Variants in TNRC6B observed in about 807,000 individuals in gnomAD.
TNRC6B encodes the protein trinucleotide repeat containing adaptor 6B, also known as trinucleotide repeat-containing gene 6B protein.
A neutral mutation model predicts 203.6 loss-of-function variants in TNRC6B; 52 were observed. The observed-to-expected ratio is 0.26, with a 90% CI of 0.20 to 0.32. The LOEUF is 0.32. Ranked by LOEUF, TNRC6B falls within the 10% of genes least tolerant of loss-of-function variation. The probability of loss-of-function intolerance (pLI) is 1.00; values close to 1 mark genes in which losing one functional copy is unlikely to be tolerated. For synonymous variants in TNRC6B, 838 were observed against 845.7 expected (o/e 0.99, Z 0.16); for missense variants, 1,923 against 2,286.2 (o/e 0.84, Z 3.24).
At chr22:40,116,111 G>A (rs141558518) in intron 1 of TNRC6B, among the ~76,000 whole-genome samples, 14 of 152,228 alleles carry the variant, frequency 9.2e-5, no homozygotes, top group Non-Finnish European at 1.3e-4. Context: ...GTGCTCTAAC[G>A]TGGGGCTGAA....
chr22:40,126,588 T>A (rs1464315119), intron 3 of TNRC6B, among the ~76,000 whole-genome samples: 3 of 131,610 alleles, frequency 2.3e-5, no homozygotes, highest in African/African-American at 6.4e-5. Flanking sequence ...TAATTTTTTT[T>A]TTTTTTTTTT....
chr22:40,249,146 T>A (rs970030860), intron 2 of TNRC6B, among the ~76,000 whole-genome samples: 7 of 152,206 alleles, frequency 4.6e-5, no homozygotes, highest in Non-Finnish European at 1.0e-4. Flanking sequence ...TCCCCAGTGC[T>A]TTTTGACCAC....
intron 1 of TNRC6B, among the ~76,000 whole-genome samples, chr22:40,243,515 A>G (rs966229530): frequency 6.6e-6 from 1 of 152,228 alleles, no homozygotes; most frequent in African/African-American, 2.4e-5. Context: ...TAGGGACAAT[A>G]TTTGAAAAGG....
intron 15 of TNRC6B, among the ~76,000 whole-genome samples, chr22:40,308,098 C>T (rs1024369321): frequency 2.0e-5 from 3 of 152,144 alleles, no homozygotes; most frequent in African/African-American, 7.2e-5. Context: ...GGCCCTAGAT[C>T]ACATCTTCCT....
At chr22:40,245,929 CCCA>C (rs1173653451) in intron 1 of TNRC6B, 83 bp from the exon 2 acceptor site, 1 of 994,126 alleles carries the variant, frequency 1.0e-6, no homozygotes, top group Admixed American at 3.0e-5. Context: ...TGTCGTCTTG[CCCA>C]CCACTTACAA....
Position 40,316,455 on chromosome 22 carries a change from C to T in TNRC6B, c.4974+443C>T, listed in dbSNP as rs530894556. On this transcript the variant is annotated intron_variant, in intron 21 of 22. Transcript: ENST00000454349. ...CCAAGGCGAGAGGATTGCTTGAAGC[C>T]AGGAGTCTGAAATCAGTCCAAGCAA... 3.7e-4 allele frequency among the ~76,000 whole-genome samples: 56 copies of T among 152,040 alleles called. No individual in the cohort carries two copies. In the South Asian group the frequency reaches 0.011, roughly 31 times the overall value.
At chr22:40,315,594 C>G in intron 20 of TNRC6B, 87 bp downstream of exon 20, 2 of 1,397,758 alleles carry the variant, frequency 1.4e-6, no homozygotes, top group Non-Finnish European at 2.0e-6. Context: ...AAGAGGTCTT[C>G]CCAAGAGAGG....
At chr22:40,191,555 G>A (rs761005950) in intron 1 of TNRC6B, among the ~76,000 whole-genome samples, 3 of 152,060 alleles carry the variant, frequency 2.0e-5, no homozygotes, top group Non-Finnish European at 2.9e-5. Flanking sequence ...TAGTTTGATT[G>A]GTTTTGTATT....
intron 12 of TNRC6B, among the ~76,000 whole-genome samples, chr22:40,290,614 A>G (rs2070857165): frequency 6.6e-6 from 1 of 152,132 alleles, no homozygotes. Context: ...CACCTTCCCT[A>G]GGAGCTTTCT....
intron 4 of TNRC6B, among the ~76,000 whole-genome samples, chr22:40,167,930 C>T (rs548026039): frequency 6.6e-6 from 1 of 152,066 alleles, no homozygotes; most frequent in East Asian, 1.9e-4. Context: ...TAGGATCCCT[C>T]CTAGAGCTTT....
chr22:40,105,723 A>G (rs1018369443), intron 1 of TNRC6B, among the ~76,000 whole-genome samples: 6 of 152,196 alleles, frequency 3.9e-5, no homozygotes, highest in African/African-American at 1.4e-4. Context: ...GCTGGGGACT[A>G]TTATGGATAG....
At chr22:40,167,212 G>A (rs752018801) in intron 4 of TNRC6B, among the ~76,000 whole-genome samples, 5 of 152,076 alleles carry the variant, frequency 3.3e-5, no homozygotes, top group Admixed American at 2.6e-4. Context: ...CATTGAACCC[G>A]AAACAAAAGT....
intron 2 of TNRC6B, among the ~76,000 whole-genome samples, chr22:40,120,871 A>C (rs879472212): frequency 4.5e-4 from 69 of 152,216 alleles, no homozygotes; most frequent in African/African-American, 1.6e-3. Context: ...CACCACCACT[A>C]GTCTGGGATA....
At chr22:40,130,210 A>G (rs9611271) in intron 3 of TNRC6B, among the ~76,000 whole-genome samples, 34,350 of 152,164 alleles carry the variant, frequency 0.23, 4,907 homozygotes, top group Non-Finnish European at 0.32. Context: ...AAGGTTTCTC[A>G]GATTCCCAGG....
Position 40,230,282 on chromosome 22 carries a change from CTTT to C in TNRC6B, c.6-15711_6-15709del, listed in dbSNP as rs56122256. ...TCTGTTCAAATCTTTTGCCCATCTT[CTTT>C]TTTTTTTTTTTTTTTTTTTTTAAAG... On this transcript the variant is annotated intron_variant, in intron 1 of 22. Coordinates refer to ENST00000454349, the MANE Select transcript of TNRC6B (RefSeq NM_001162501.2). Among the ~76,000 whole-genome samples, 9 of 94,470 alleles carry C rather than the reference CTTT, an allele frequency of 9.5e-5. No homozygotes were observed. In the East Asian group the frequency reaches 2.2e-3, roughly 23 times the overall value. 62.0% of individuals were successfully genotyped at this position (94,470 alleles called of 152,430 possible). A position where few individuals can be genotyped will look rare whatever the true frequency, so the allele number is the denominator to read the frequency against.
At position 40,222,050 on chromosome 22, in the gene TNRC6B, G is replaced by A. The variant is rs566709640; in HGVS notation, c.6-23965G>A. 3.2e-4 allele frequency among the ~76,000 whole-genome samples: 48 copies of A among 152,246 alleles called. 1 individual carries two copies. The South Asian group carries it at 9.8e-3, about 31-fold the overall frequency. On this transcript the variant is annotated intron_variant, in intron 1 of 22. Coordinates refer to ENST00000454349, the MANE Select transcript of TNRC6B (RefSeq NM_001162501.2). Reference sequence around the variant, plus strand: ...CACTTTAAGCCCCGGGAAAAGTGGAGACCAACTAAGTCTTGCTGTCTGGAG... The same window carrying A: ...CACTTTAAGCCCCGGGAAAAGTGGAAACCAACTAAGTCTTGCTGTCTGGAG...
At chr22:40,211,532 T>C (rs2069563253) in intron 1 of TNRC6B, among the ~76,000 whole-genome samples, 1 of 152,172 alleles carries the variant, frequency 6.6e-6, no homozygotes, top group South Asian at 2.1e-4. Flanking sequence ...GCCACAAACT[T>C]ACTGTGGCTC....
At chr22:40,285,864 T>C (rs2070773233) in intron 12 of TNRC6B, 94 bp downstream of exon 12, 4 of 1,459,696 alleles carry the variant, frequency 2.7e-6, no homozygotes, top group Admixed American at 2.2e-5. Context: ...AAAAGAATGA[T>C]AGTAAGTAGC....
Position 40,132,953 on chromosome 22 carries a change from A to AAT in TNRC6B, c.45+7092_45+7093insTA, listed in dbSNP as rs1568992968. On this transcript the variant is annotated intron_variant, in intron 3 of 23. Transcript: ENST00000301923. ...AGCAAGACTCTGTCTCAAAAAAAAAAAAAAAAAAAAAAAAAAATATATATA... is the reference window on the plus strand; with the variant it reads ...AGCAAGACTCTGTCTCAAAAAAAAAAATAAAAAAAAAAAAAAAAATATATATA... Among the ~76,000 whole-genome samples the AAT allele has an allele frequency of 1.0e-3, 84 of 83,996 alleles. 2 individuals are homozygous for AAT. The highest frequency in any genetic ancestry group is 3.4e-3 in the African/African-American group (70 of 20,446). 55.1% of individuals were successfully genotyped at this position (83,996 alleles called of 152,430 possible). A position where few individuals can be genotyped will look rare whatever the true frequency, so the allele number is the denominator to read the frequency against.
Sources: gnomAD v4.1 joint callset for allele counts (sites outside exome capture counted in the v4.1 genomes callset) on GRCh38, gnomAD v4.1.1 for gene constraint, MANE v1.5 for transcripts, NCBI Gene and HGNC (gene_info 2026-07-23, HGNC 2026-07-21) for gene names.